NCOA1: variants seen among roughly 807,000 people sequenced by gnomAD.
The protein encoded by NCOA1 is Hin-2 protein.
A neutral mutation model predicts 150.9 loss-of-function variants in NCOA1; 35 were observed. The observed-to-expected ratio is 0.23, with a 90% CI of 0.18 to 0.31. NCOA1 has a LOEUF of 0.31. Ranked by LOEUF, NCOA1 falls within the 10% of genes least tolerant of loss-of-function variation. NCOA1 has a pLI of 1.00. For missense variants in NCOA1, 1,491 were observed against 1,749.3 expected (o/e 0.85, Z 2.63); for synonymous variants, 590 against 630.0 (o/e 0.94, Z 0.95).
At chr2:24,752,253 T>C (rs3731630) in intron 20 of NCOA1, 97 bp downstream of exon 20, 82,577 of 1,374,302 alleles carry the variant, frequency 0.06, 3,069 homozygotes, top group East Asian at 0.15. Context: ...GAACATTATG[T>C]AAAGTGAAAG....
chr2:24,588,864 A>G (rs1353132749), intron 3 of NCOA1, among the ~76,000 whole-genome samples: 1 of 152,216 alleles, frequency 6.6e-6, no homozygotes, highest in Non-Finnish European at 1.5e-5. Context: ...TAGTAGGATC[A>G]CACCTTATGT....
chr2:24,554,764 G>A (rs1666002218), intron 1 of NCOA1, among the ~76,000 whole-genome samples: 2 of 152,132 alleles, frequency 1.3e-5, no homozygotes, highest in African/African-American at 2.4e-5. Context: ...TCACACATCC[G>A]AGTCTTTAAG....
intron 1 of NCOA1, among the ~76,000 whole-genome samples, chr2:24,538,497 C>G (rs1327527585): frequency 6.6e-6 from 1 of 152,174 alleles, no homozygotes; most frequent in African/African-American, 2.4e-5. Context: ...TGAGTTTGAG[C>G]AGGTCAATTA....
At chr2:24,744,690 A>G (rs1663800983) in intron 19 of NCOA1, among the ~76,000 whole-genome samples, 1 of 152,218 alleles carries the variant, frequency 6.6e-6, no homozygotes, top group African/African-American at 2.4e-5. Context: ...CAAAAGTACC[A>G]AAATATATGT....
At chr2:24,620,495 T>G (rs2148406051) in intron 3 of NCOA1, among the ~76,000 whole-genome samples, 1 of 152,170 alleles carries the variant, frequency 6.6e-6, no homozygotes, top group African/African-American at 2.4e-5. Flanking sequence ...TCCCAGCTAC[T>G]TGGGAAGGCT....
chr2:24,681,488 G>A (rs1407657849), intron 7 of NCOA1, among the ~76,000 whole-genome samples: 1 of 148,888 alleles, frequency 6.7e-6, no homozygotes, highest in African/African-American at 2.6e-5. Flanking sequence ...CATTTTCAGT[G>A]TCACGACATT....
intron 5 of NCOA1, 66 bp downstream of exon 5, chr2:24,658,832 GC>G: frequency 7.0e-7 from 1 of 1,420,118 alleles, no homozygotes; most frequent in Non-Finnish European, 9.9e-7. Context: ...CCACTTCAGA[GC>G]TTTTGTTTAA....
chr2:24,726,682 C>T lies in NCOA1; in HGVS notation c.2693C>T (p.Ala898Val). 1 of 1,609,026 alleles carries T rather than the reference C, an allele frequency of 6.2e-7. No homozygotes were observed. Among genetic ancestry groups the T allele is most frequent in the Non-Finnish European group, 8.5e-7 (1 of 1,177,428 alleles). The change falls in exon 15 of 23, where the codon GCT becomes GTT. Residue 898 changes from alanine (A) to valine (V), a missense_variant. Coordinates refer to ENST00000348332, the MANE Select transcript of NCOA1 (RefSeq NM_003743.5). Reference sequence around the variant, plus strand: ...CCATGGACAAATAATACAGTGACAGCTATAAATCAGAGTAAATCAGAAGAG... The same window carrying T: ...CCATGGACAAATAATACAGTGACAGTTATAAATCAGAGTAAATCAGAAGAG... ...QIPWTNNTVT[A>V]INQSKSEDQC...
At chr2:24,575,356 C>T (rs1247623022) in intron 2 of NCOA1, among the ~76,000 whole-genome samples, 2 of 152,052 alleles carry the variant, frequency 1.3e-5, no homozygotes, top group Non-Finnish European at 2.9e-5. Flanking sequence ...TCAACACTTC[C>T]ATATCTTTTT....
At chr2:24,669,839 T>C (rs978618568) in intron 6 of NCOA1, among the ~76,000 whole-genome samples, 6 of 152,140 alleles carry the variant, frequency 3.9e-5, no homozygotes, top group African/African-American at 1.4e-4. Flanking sequence ...CTAAGATGGC[T>C]ATAATCAAAA....
At chr2:24,620,973 A>G (rs1422032476) in intron 3 of NCOA1, among the ~76,000 whole-genome samples, 1 of 152,220 alleles carries the variant, frequency 6.6e-6, no homozygotes, top group African/African-American at 2.4e-5. Context: ...AGATAATAAC[A>G]GGATATTTGA....
Position 24,683,111 on chromosome 2 carries a change from T to C in NCOA1, c.515T>C (p.Leu172Pro). ...GATCATGCAGAATTTGTGAAGAATC[T>C]GCTACCAAAATCACTAGGTAAACAG... is the stretch of plus-strand genomic sequence containing the variant. The part of the protein sequence containing the change: ...VGDHAEFVKN[L>P]LPKSLVNGVP... The change falls in exon 8 of 23, where the codon CTG becomes CCG. Residue 172 changes from leucine to proline, a missense_variant. Physicochemically the swap from Leu to Pro is moderately conservative, Grantham distance 98 (BLOSUM62 -3). Coordinates refer to ENST00000348332, the MANE Select transcript of NCOA1 (RefSeq NM_003743.5). The C allele has an allele frequency of 6.4e-7, 1 of 1,573,490 alleles. No individual in the cohort carries two copies. Among genetic ancestry groups the C allele is most frequent in the Non-Finnish European group, 8.6e-7 (1 of 1,165,864 alleles).
chr2:24,538,219 A>G (rs1665246986), intron 1 of NCOA1, among the ~76,000 whole-genome samples: 1 of 152,176 alleles, frequency 6.6e-6, no homozygotes. Flanking sequence ...TTACCTTTCC[A>G]TCCCTGGTTT....
At chr2:24,764,101 T>C (rs1355288064) in intron 22 of NCOA1, among the ~76,000 whole-genome samples, 1 of 152,240 alleles carries the variant, frequency 6.6e-6, no homozygotes, top group Non-Finnish European at 1.5e-5. Flanking sequence ...CTGTATGCAT[T>C]ATCTCATTTA....
chr2:24,696,389 A>G (rs1379058402), intron 10 of NCOA1, among the ~76,000 whole-genome samples: 1 of 152,212 alleles, frequency 6.6e-6, no homozygotes, highest in African/African-American at 2.4e-5. Context: ...AAGAGGAAAC[A>G]TTAGTGGTGA....
intron 1 of NCOA1, among the ~76,000 whole-genome samples, chr2:24,526,516 A>T (rs557490998): frequency 9.3e-4 from 103 of 110,788 alleles, no homozygotes; most frequent in African/African-American, 1.9e-3. Flanking sequence ...GACCTTTTTT[A>T]AAAAAAATAG....
intron 3 of NCOA1, among the ~76,000 whole-genome samples, chr2:24,602,524 C>T (rs1668170824): frequency 6.6e-6 from 1 of 152,124 alleles, no homozygotes; most frequent in Non-Finnish European, 1.5e-5. Flanking sequence ...AAAAAATACA[C>T]TCTAAGTTAT....
In NCOA1 at chr2:24,693,304, T is replaced by A. The variant is rs1256661611; in HGVS notation, c.765T>A (p.Ala255=). Residue 255 remains alanine, a synonymous_variant, in exon 10 of 23, where the codon GCT becomes GCA. Coordinates refer to ENST00000348332, the MANE Select transcript of NCOA1 (RefSeq NM_003743.5). ...CACGGCGATTACCTCGGCCTCCAGC[T>A]ATTACGGGTGTAGAATCCTTTATGA... ...CIARRLPRPP[A]ITGVESFMTK... The A allele has an allele frequency of 4.3e-6, 7 of 1,614,116 alleles. No individual in the cohort carries two copies. The Admixed American group carries it at 1.2e-4, about 27-fold the overall frequency.
chr2:24,707,985 G>T (rs1182686637), intron 13 of NCOA1, 97 bp downstream of exon 13: 1 of 1,401,210 alleles, frequency 7.1e-7, no homozygotes, highest in Non-Finnish European at 9.5e-7. Context: ...TTCATACTAT[G>T]TTTTATCCTA....
Sources: gnomAD v4.1 joint callset for allele counts (sites outside exome capture counted in the v4.1 genomes callset) on GRCh38, gnomAD v4.1.1 for gene constraint, MANE v1.5 for transcripts, NCBI Gene and HGNC (gene_info 2026-07-23, HGNC 2026-07-21) for gene names.